Variants in IRF2 observed in about 807,000 individuals in gnomAD.
IRF2 encodes interferon regulatory factor 2.
A neutral mutation model predicts 40.6 loss-of-function variants in IRF2; 15 were observed. The ratio of observed to expected loss-of-function variants is 0.37; its 90% CI spans 0.25 to 0.57. The LOEUF (loss-of-function observed/expected upper bound fraction) is 0.57. IRF2 is among the 20% of genes least tolerant of loss of function. The probability of loss-of-function intolerance (pLI) is 0.77; values close to 1 mark genes in which losing one functional copy is unlikely to be tolerated. For missense variants in IRF2, 317 were observed against 455.7 expected, an observed-to-expected ratio of 0.70 and a Z score of 2.77; for synonymous variants, 151 against 165.5, an observed-to-expected ratio of 0.91 and a Z score of 0.67.
intron 1 of IRF2, among the ~76,000 whole-genome samples, chr4:184,463,516 G>C (rs1195302397): frequency 6.6e-6 from 1 of 152,114 alleles, no homozygotes; most frequent in African/African-American, 2.4e-5. Flanking sequence ...AAATATTTTA[G>C]ATAAAATTAG....
At chr4:184,415,228 C>T (rs1314686339) in intron 5 of IRF2, among the ~76,000 whole-genome samples, 1 of 152,240 alleles carries the variant, frequency 6.6e-6, no homozygotes, top group East Asian at 1.9e-4. Flanking sequence ...AATGAATCAC[C>T]TGCCTTCCGC....
Position 184,427,314 on chromosome 4 carries a change from C to A in IRF2, c.87+1664G>T, listed in dbSNP as rs113358482. Reference sequence around the variant, plus strand: ...TCATTTCTATTTACTTAGTGCCTCACCTTGTTTCAGAAAGGCTCAGACAGA... The same window carrying A: ...TCATTTCTATTTACTTAGTGCCTCAACTTGTTTCAGAAAGGCTCAGACAGA... On this transcript the variant is annotated intron_variant, in intron 2 of 8. Coordinates refer to ENST00000393593, the MANE Select transcript of IRF2 (RefSeq NM_002199.4). Among the ~76,000 whole-genome samples the A allele has an allele frequency of 7.4e-3, 1,125 of 152,320 alleles. 18 individuals carry two copies. The highest frequency in any genetic ancestry group is 0.025 in the African/African-American group (1,040 of 41,568).
At chr4:184,459,911 G>A (rs561851141) in intron 1 of IRF2, among the ~76,000 whole-genome samples, 4 of 152,194 alleles carry the variant, frequency 2.6e-5, no homozygotes, top group South Asian at 2.1e-4. Flanking sequence ...TTGCTGATGG[G>A]GATGCAAAAT....
intron 7 of IRF2, among the ~76,000 whole-genome samples, chr4:184,394,544 G>C (rs1019022006): frequency 1.8e-4 from 28 of 152,182 alleles, no homozygotes; most frequent in African/African-American, 4.8e-4. Flanking sequence ...AAGCGATTGT[G>C]TCTTTGCTCT....
At chr4:184,459,640 A>C (rs1166787216) in intron 1 of IRF2, among the ~76,000 whole-genome samples, 1 of 152,240 alleles carries the variant, frequency 6.6e-6, no homozygotes, top group East Asian at 1.9e-4. Flanking sequence ...CAAAACCACA[A>C]AATGAATGAC....
chr4:184,416,313 G>C (rs1294984476), intron 5 of IRF2, among the ~76,000 whole-genome samples: 1 of 104,584 alleles, frequency 9.6e-6, no homozygotes, highest in Admixed American at 1.4e-4. Flanking sequence ...GTAAGACCTT[G>C]TCTCAAAAAA....
chr4:184,469,109 T>C (rs779577283), intron 1 of IRF2, among the ~76,000 whole-genome samples: 1 of 152,184 alleles, frequency 6.6e-6, no homozygotes, highest in Non-Finnish European at 1.5e-5. Flanking sequence ...TGTTACTACA[T>C]TTAACAAAAT....
intron 1 of IRF2, among the ~76,000 whole-genome samples, chr4:184,456,390 A>G (rs1321365852): frequency 2.0e-5 from 3 of 152,232 alleles, no homozygotes; most frequent in Non-Finnish European, 4.4e-5. Flanking sequence ...AAGGAAGAAC[A>G]ACGACAAGGG....
chr4:184,405,550 G>A (rs998337326), intron 6 of IRF2, among the ~76,000 whole-genome samples: 2 of 152,168 alleles, frequency 1.3e-5, no homozygotes, highest in South Asian at 2.1e-4. Context: ...GCCAGACCCC[G>A]GGGACCTGGG....
At chr4:184,463,040 C>T (rs1739198896) in intron 1 of IRF2, among the ~76,000 whole-genome samples, 1 of 152,210 alleles carries the variant, frequency 6.6e-6, no homozygotes, top group South Asian at 2.1e-4. Context: ...TTCAAATAAT[C>T]TAAGATTTTC....
intron 6 of IRF2, among the ~76,000 whole-genome samples, chr4:184,403,091 T>C (rs1200938272): frequency 3.9e-5 from 6 of 152,192 alleles, no homozygotes; most frequent in African/African-American, 1.4e-4. Flanking sequence ...AATTCCCCCA[T>C]AGGAGTGTGT....
intron 2 of IRF2, among the ~76,000 whole-genome samples, chr4:184,428,493 G>A (rs146173419): frequency 2.0e-5 from 3 of 152,190 alleles, no homozygotes; most frequent in Admixed American, 6.5e-5. Context: ...GGCTACAGTC[G>A]TACAGGATAC....
intron 5 of IRF2, among the ~76,000 whole-genome samples, chr4:184,415,838 C>A (rs969412969): frequency 6.6e-6 from 1 of 152,178 alleles, no homozygotes; most frequent in Non-Finnish European, 1.5e-5. Context: ...TCAACAAATG[C>A]GGATGCATCT....
intron 1 of IRF2, among the ~76,000 whole-genome samples, chr4:184,463,084 T>C (rs922599007): frequency 1.3e-5 from 2 of 152,254 alleles, no homozygotes; most frequent in Non-Finnish European, 2.9e-5. Flanking sequence ...GAAACATTCA[T>C]CTCATCAAGA....
At chr4:184,436,706 C>T (rs916665319) in intron 1 of IRF2, among the ~76,000 whole-genome samples, 3 of 152,018 alleles carry the variant, frequency 2.0e-5, no homozygotes, top group Non-Finnish European at 4.4e-5. Flanking sequence ...TTGGTATCGG[C>T]GGCCAAAGCA....
intron 8 of IRF2, 68 bp downstream of exon 8, chr4:184,390,635 G>C: frequency 6.7e-7 from 1 of 1,500,720 alleles, no homozygotes. Flanking sequence ...CCAGCAGCAA[G>C]GAAAGCCCGG....
intron 1 of IRF2, among the ~76,000 whole-genome samples, chr4:184,440,422 C>A (rs1738261357): frequency 6.6e-6 from 1 of 152,250 alleles, no homozygotes; most frequent in East Asian, 1.9e-4. Context: ...TTAACGTGGG[C>A]AGCAACGTTA....
At chr4:184,396,071 A>G (rs1310889528) in intron 7 of IRF2, among the ~76,000 whole-genome samples, 1 of 152,268 alleles carries the variant, frequency 6.6e-6, no homozygotes, top group African/African-American at 2.4e-5. Flanking sequence ...CATGGAGTGT[A>G]ACGATGCCTG....
intron 1 of IRF2, among the ~76,000 whole-genome samples, chr4:184,471,004 C>T (rs1280470637): frequency 6.6e-6 from 1 of 152,058 alleles, no homozygotes; most frequent in African/African-American, 2.4e-5. Context: ...AAAAGTTATT[C>T]CATGTTTAAT....
Sources: allele counts gnomAD v4.1 joint callset (sites outside exome capture counted in the v4.1 genomes callset), GRCh38; gene constraint gnomAD v4.1.1; transcripts MANE v1.5; gene names NCBI Gene and HGNC (gene_info 2026-07-23, HGNC 2026-07-21).